Variants in MINAR1 observed in about 807,000 individuals in gnomAD.
MINAR1 encodes membrane integral NOTCH2 associated receptor 1, also known as major intrinsically disordered Notch2-binding receptor 1.
A neutral mutation model predicts 65.1 loss-of-function variants in MINAR1; 40 were observed. That is an observed-to-expected ratio of 0.61 (90% CI 0.48 to 0.80). The LOEUF is 0.80. Ranked by LOEUF, MINAR1 falls within the 30% of genes least tolerant of loss-of-function variation. MINAR1 has a pLI of 0.00. For missense variants in MINAR1, 1,128 were observed against 1,148.0 expected (o/e 0.98, Z 0.25); for synonymous variants, 482 against 449.1 (o/e 1.07, Z -0.93).
chr15:79,411,469 G>A, the MINAR1 span: 1 of 702,530 alleles, frequency 1.4e-6, no homozygotes, highest in East Asian at 2.7e-5. Flanking sequence ...CGGAACACCT[G>A]CCACCGAGGG....
At chr15:79,467,647 C>T (rs941219563) in intron 3 of MINAR1, among the ~76,000 whole-genome samples, 2 of 152,150 alleles carry the variant, frequency 1.3e-5, no homozygotes, top group Non-Finnish European at 2.9e-5. Flanking sequence ...ATGACCTGCT[C>T]AGATAAATGG....
chr15:79,461,343 A>C (rs1895633702), intron 2 of MINAR1, among the ~76,000 whole-genome samples: 1 of 152,254 alleles, frequency 6.6e-6, no homozygotes, highest in African/African-American at 2.4e-5. Context: ...TTTAATGAGA[A>C]GATGAAATGA....
chr15:79,472,018 A>AAAAG lies in MINAR1; in HGVS notation c.*3636_*3639dup, dbSNP rs1896104428. The AAAAG allele has an allele frequency of 6.6e-6, 1 of 152,192 alleles. No individual in the cohort carries two copies. The highest frequency in any genetic ancestry group is 1.5e-5 in the Non-Finnish European group (1 of 68,024). 9.4% of individuals were successfully genotyped at this position (152,192 alleles called of 1,614,324 possible). ...ACTTCCTTATTTATGCCTTATGAAT[A>AAAAG]AAAGAGTGTGGAATGTAAGGTGAAA... is the stretch of plus-strand genomic sequence containing the variant. On this transcript the variant is annotated 3_prime_UTR_variant, in exon 4 of 4. Coordinates refer to ENST00000305428, the MANE Select transcript of MINAR1 (RefSeq NM_015206.3).
rs374660141 is a variant in MINAR1 at position 79,468,404 on chromosome 15, G to T, written c.*20G>T. ...TCATGAGCTAAGAATGCAACCTTAC[G>T]TACAGCTTATGACTACCAATGTCGT... On this transcript the variant is annotated 3_prime_UTR_variant, in exon 4 of 4. Coordinates refer to ENST00000305428, the MANE Select transcript of MINAR1 (RefSeq NM_015206.3). 4 of 1,608,520 alleles carry T rather than the reference G, an allele frequency of 2.5e-6. No individual in the cohort carries two copies. The Admixed American group carries it at 6.7e-5, about 27-fold the overall frequency.
Position 79,454,433 on chromosome 15 carries a change from T to C in MINAR1, c.-50-1665T>C, listed in dbSNP as rs191707484. On this transcript the variant is annotated intron_variant, in intron 1 of 3. Transcript: ENST00000305428. Reference sequence around the variant, plus strand: ...TTGGGTACATGTGAACTGTGTTAACTTTAAAATCAACAAATCAGTTATCAA... The same window carrying C: ...TTGGGTACATGTGAACTGTGTTAACCTTAAAATCAACAAATCAGTTATCAA... Among the ~76,000 whole-genome samples, 278 of 152,340 alleles carry C rather than the reference T, an allele frequency of 1.8e-3. 2 individuals carry two copies. The highest frequency in any genetic ancestry group is 6.2e-3 in the African/African-American group (257 of 41,580).
chr15:79,452,723 TGAGTCTGTGTGG>T lies in MINAR1; in HGVS notation c.-50-3373_-50-3362del, dbSNP rs1595942970. On this transcript the variant is annotated intron_variant, in intron 1 of 3. Coordinates refer to ENST00000305428, the MANE Select transcript of MINAR1 (RefSeq NM_015206.3). ...GTCTGGATGAGTGTGTGGGTGTGGG[TGAGTCTGTGTGG>T]GTGTGTGGGGGGGGTGTGTGGGTGA... Among the ~76,000 whole-genome samples, 9 of 114,292 alleles carry T rather than the reference TGAGTCTGTGTGG, an allele frequency of 7.9e-5. No individual in the cohort carries two copies. The East Asian group carries it at 4.6e-3, about 59-fold the overall frequency. The allele number at this position is 114,292 out of a possible 152,430, so 75.0% of individuals were successfully genotyped here. A position where few individuals can be genotyped will look rare whatever the true frequency, so the allele number is the denominator to read the frequency against.
In MINAR1 at chr15:79,457,902, C is replaced by G. The variant is rs1000351943; in HGVS notation, c.1755C>G (p.Thr585=). 2.5e-6 allele frequency: 4 copies of G among 1,614,006 alleles called. No homozygotes were observed. Among genetic ancestry groups the G allele is most frequent in the Admixed American group, 3.3e-5 (2 of 60,004 alleles). The change falls in exon 2 of 4, where the codon ACC becomes ACG. Residue 585 remains threonine, a synonymous_variant. Transcript: ENST00000305428. ...KGDKGNRPEN[T]HHSEEELKTS... ...ACAAGGGCAACCGGCCTGAAAACAC[C>G]CACCACTCGGAAGAAGAGCTGAAGA... is the stretch of plus-strand genomic sequence containing the variant.
rs145174002 is a variant in MINAR1, at chr15:79,457,889, G to A, written c.1742G>A (p.Arg581Gln). The A allele has an allele frequency of 1.7e-5, 28 of 1,613,936 alleles. No individual in the cohort carries two copies. The highest frequency in any genetic ancestry group is 1.6e-4 in the Middle Eastern group (1 of 6,082). The change falls in exon 2 of 4, where the codon CGG becomes CAG. Residue 581 changes from arginine to glutamine, a missense_variant. Coordinates refer to ENST00000305428, the MANE Select transcript of MINAR1 (RefSeq NM_015206.3). ...AACAGCAAGGGAGACAAGGGCAACC[G>A]GCCTGAAAACACCCACCACTCGGAA... ...VPNSKGDKGN[R>Q]PENTHHSEEE...
chr15:79,445,964 T>G (rs572317427), intron 1 of MINAR1, among the ~76,000 whole-genome samples: 1 of 152,376 alleles, frequency 6.6e-6, no homozygotes, highest in South Asian at 2.1e-4. Context: ...CTATTTACAT[T>G]TATTGTAATA....
rs367876313 is a variant in MINAR1 at position 79,435,302 on chromosome 15, C to T, written c.-51+2762C>T. ...AAAAAAAAAAAAAAAATACGCAAAA[C>T]AGATTAAGAGCAAGGGAGGGACATA... On this transcript the variant is annotated intron_variant, in intron 1 of 3. Coordinates refer to ENST00000305428, the MANE Select transcript of MINAR1 (RefSeq NM_015206.3). Among the ~76,000 whole-genome samples, 35 of 151,350 alleles carry T rather than the reference C, an allele frequency of 2.3e-4. No individual in the cohort carries two copies. In the East Asian group the frequency reaches 5.0e-3, roughly 22 times the overall value.
At chr15:79,446,595 T>C (rs1055849730) in intron 1 of MINAR1, among the ~76,000 whole-genome samples, 6 of 152,114 alleles carry the variant, frequency 3.9e-5, no homozygotes, top group Non-Finnish European at 7.4e-5. Context: ...GTAATTCAAT[T>C]TTTTAGGCAA....
chr15:79,451,712 T>C (rs1895208737), intron 1 of MINAR1, among the ~76,000 whole-genome samples: 1 of 152,174 alleles, frequency 6.6e-6, no homozygotes. Context: ...CCAGGTGGGA[T>C]GGAAGTCCTG....
chr15:79,412,293 C>G, the MINAR1 span: 4 of 152,256 alleles, frequency 2.6e-5, no homozygotes, highest in Non-Finnish European at 5.9e-5. Context: ...TGTGCATGTG[C>G]CCTGCCCTGC....
intron 1 of MINAR1, among the ~76,000 whole-genome samples, chr15:79,453,568 A>T (rs937021992): frequency 6.6e-6 from 1 of 151,742 alleles, no homozygotes; most frequent in Non-Finnish European, 1.5e-5. Flanking sequence ...CAGATTTTTC[A>T]ATCCATCTCT....
chr15:79,463,117 C>G lies in MINAR1; in HGVS notation c.2349C>G (p.Pro783=). 6.2e-7 allele frequency: 1 copy of G among 1,614,206 alleles called. No homozygotes were observed. Among genetic ancestry groups the G allele is most frequent in the East Asian group, 2.2e-5 (1 of 44,880 alleles). The change falls in exon 3 of 4, where the codon CCC becomes CCG. Residue 783 remains proline (P), a synonymous_variant. Transcript: ENST00000305428. ...CACAGCACCGACTGCCCAAGCAGCCCAAAGATGGCTTCCTGGTGGAGCAGG... is the reference window on the plus strand; with the variant it reads ...CACAGCACCGACTGCCCAAGCAGCCGAAAGATGGCTTCCTGGTGGAGCAGG... ...IPPQHRLPKQ[P]KDGFLVEQVF... is the part of the protein sequence containing the mutation.
the MINAR1 span, chr15:79,414,224 A>G: frequency 6.6e-6 from 1 of 152,196 alleles, no homozygotes; most frequent in Non-Finnish European, 1.5e-5. Flanking sequence ...CATCCTTCCT[A>G]TAACTTCTCT....
At chr15:79,442,156 G>A (rs16970931) in intron 1 of MINAR1, among the ~76,000 whole-genome samples, 1 of 149,326 alleles carries the variant, frequency 6.7e-6, no homozygotes, top group Admixed American at 6.7e-5. Context: ...TTGGGATCTT[G>A]TGTGGAAAAC....
chr15:79,415,114 A>G, the MINAR1 span: 1 of 152,246 alleles, frequency 6.6e-6, no homozygotes, highest in Non-Finnish European at 1.5e-5. Flanking sequence ...AGGTGTCAGG[A>G]TAAGTTTCAC....
upstream of MINAR1, chr15:79,427,516 T>C (rs1894341819): frequency 6.6e-6 from 1 of 152,180 alleles, no homozygotes; most frequent in East Asian, 1.9e-4. Flanking sequence ...CACAACAAAG[T>C]GTTAAGAGCT....
Sources: allele counts gnomAD v4.1 joint callset (sites outside exome capture counted in the v4.1 genomes callset), GRCh38; gene constraint gnomAD v4.1.1; transcripts MANE v1.5; gene names NCBI Gene and HGNC (gene_info 2026-07-23, HGNC 2026-07-21).